The following PPIP5K2 variants were observed in gnomAD, a reference collection of about 807,000 sequenced individuals.
PPIP5K2 encodes inositol hexakisphosphate and diphosphoinositol-pentakisphosphate kinase 2.
Under a neutral mutation model 154.6 loss-of-function variants are expected in PPIP5K2, and 105 were observed. The ratio of observed to expected loss-of-function variants is 0.68; its 90% CI spans 0.58 to 0.80. PPIP5K2 has a LOEUF of 0.80. Among genes scored for constraint, PPIP5K2 ranks in the 30% least tolerant of loss-of-function variants. PPIP5K2 has a pLI of 0.00. For missense variants in PPIP5K2, 992 were observed against 1,504.6 expected (o/e 0.66, Z 5.64); for synonymous variants, 480 against 490.3 (o/e 0.98, Z 0.28).
At chr5:103,151,998 G>A (rs1224654882) in intron 9 of PPIP5K2, among the ~76,000 whole-genome samples, 1 of 151,886 alleles carries the variant, frequency 6.6e-6, no homozygotes, top group East Asian at 1.9e-4. Context: ...AAAAATGTTC[G>A]ATAATTGGAG....
chr5:103,138,512 C>A, intron 5 of PPIP5K2, 43 bp downstream of exon 5: 1 of 1,310,816 alleles, frequency 7.6e-7, no homozygotes, highest in Non-Finnish European at 1.1e-6. Flanking sequence ...TGCCACTTGA[C>A]ATACTTTTGG....
intron 17 of PPIP5K2, among the ~76,000 whole-genome samples, chr5:103,160,335 A>G (rs1197509230): frequency 1.3e-5 from 2 of 152,150 alleles, no homozygotes; most frequent in Non-Finnish European, 2.9e-5. Context: ...TTTTTGAGCA[A>G]TGTTCATACT....
At chr5:103,179,962 C>G in intron 23 of PPIP5K2, 59 bp from the exon 24 acceptor site, 3 of 1,381,064 alleles carry the variant, frequency 2.2e-6, no homozygotes, top group Non-Finnish European at 2.9e-6. Context: ...TGAATCTGTT[C>G]ATCAGAAGAG....
At chr5:103,182,486 G>C (rs1180946817) in intron 24 of PPIP5K2, among the ~76,000 whole-genome samples, 1 of 152,118 alleles carries the variant, frequency 6.6e-6, no homozygotes, top group Non-Finnish European at 1.5e-5. Flanking sequence ...ATGGATATAA[G>C]AAGTTTGTAC....
intron 6 of PPIP5K2, among the ~76,000 whole-genome samples, chr5:103,147,030 C>T (rs26521): frequency 0.16 from 24,004 of 151,694 alleles, 2,445 homozygotes; most frequent in South Asian, 0.28. Context: ...ACACTAATAA[C>T]TTTACGTACA....
intron 30 of PPIP5K2, among the ~76,000 whole-genome samples, chr5:103,199,778 T>C (rs1802684329): frequency 6.6e-6 from 1 of 152,166 alleles, no homozygotes; most frequent in South Asian, 2.1e-4. Flanking sequence ...ATATTTATTC[T>C]TTTAGATGTT....
chr5:103,172,254 G>A (rs1291381815), intron 19 of PPIP5K2, among the ~76,000 whole-genome samples: 2 of 151,524 alleles, frequency 1.3e-5, no homozygotes, highest in Non-Finnish European at 3.0e-5. Flanking sequence ...CTTAGCTTTA[G>A]TTTAAGGTAA....
At chr5:103,197,786 C>T (rs1013750174) in intron 30 of PPIP5K2, among the ~76,000 whole-genome samples, 13 of 151,482 alleles carry the variant, frequency 8.6e-5, no homozygotes, top group African/African-American at 2.9e-4. Flanking sequence ...CCATGTTGGC[C>T]AGGCTGGTCT....
chr5:103,126,744 C>CA (rs1554200830), intron 1 of PPIP5K2, among the ~76,000 whole-genome samples: 9 of 129,908 alleles, frequency 6.9e-5, no homozygotes, highest in African/African-American at 2.5e-4. Flanking sequence ...AGCCTTTTCA[C>CA]GTTTTTTTTT....
chr5:103,196,565 A>C (rs1554228599), intron 30 of PPIP5K2, among the ~76,000 whole-genome samples: 1 of 152,142 alleles, frequency 6.6e-6, no homozygotes. Context: ...TCTTATGTCC[A>C]TTACAGATGA....
At chr5:103,176,736 A>G in intron 21 of PPIP5K2, 1 of 528,518 alleles carries the variant, frequency 1.9e-6, no homozygotes, top group South Asian at 2.9e-5. Context: ...AGATCCTGTT[A>G]ACTGTTGACT....
chr5:103,126,817 A>G (rs1789768676), intron 1 of PPIP5K2, among the ~76,000 whole-genome samples: 2 of 151,114 alleles, frequency 1.3e-5, no homozygotes. Flanking sequence ...GCCCACCCAG[A>G]TTAAGGGTGG....
At chr5:103,167,472 T>C (rs1192021087) in intron 18 of PPIP5K2, 152 bp downstream of exon 18, 2 of 516,828 alleles carry the variant, frequency 3.9e-6, no homozygotes, top group Admixed American at 4.0e-5. Flanking sequence ...AAAAAAATAA[T>C]GGCTAAGTTA....
intron 17 of PPIP5K2, among the ~76,000 whole-genome samples, chr5:103,163,575 C>A (rs1289749991): frequency 6.6e-6 from 1 of 151,474 alleles, no homozygotes; most frequent in African/African-American, 2.4e-5. Context: ...TAGGTAGGAC[C>A]CTCAAAATAA....
At chr5:103,194,170 T>C (rs919459657) in intron 29 of PPIP5K2, among the ~76,000 whole-genome samples, 1 of 152,218 alleles carries the variant, frequency 6.6e-6, no homozygotes, top group South Asian at 2.1e-4. Flanking sequence ...TCTGTCTCTT[T>C]GTTTTTTTTC....
At position 103,140,694 on chromosome 5, in the gene PPIP5K2, G is replaced by A. The variant is rs374602627; in HGVS notation, c.487+2225G>A. 1.3e-4 allele frequency among the ~76,000 whole-genome samples: 19 copies of A among 151,650 alleles called. 1 individual carries two copies. Among genetic ancestry groups the A allele is most frequent in the East Asian group, 7.8e-4 (4 of 5,124 alleles). ...CTACTAAAAATACAAAAAATTAGCC[G>A]GGCGCAGTGGCGGGCGCCTGTAGTC... On this transcript the variant is annotated intron_variant, in intron 5 of 30. Transcript: ENST00000358359.
rs1790253559 is a variant in PPIP5K2 at position 103,129,441 on chromosome 5, T to C, written c.-149T>C. On this transcript the variant is annotated 5_prime_UTR_variant, in exon 2 of 31. Coordinates refer to ENST00000358359, the MANE Select transcript of PPIP5K2 (RefSeq NM_001276277.3). The stretch of plus-strand genomic sequence containing the variant: ...AAAGAGTATTTGCCAACAGTCATCA[T>C]AATATCAAGTGATTGTATAAGCAGA... 1 of 517,640 alleles carries C rather than the reference T, an allele frequency of 1.9e-6. No homozygotes were observed. Among genetic ancestry groups the C allele is most frequent in the Non-Finnish European group, 3.2e-6 (1 of 308,710 alleles). The allele number at this position is 517,640 out of a possible 1,614,324, so 32.1% of individuals were successfully genotyped here. A position where few individuals can be genotyped will look rare whatever the true frequency, so the allele number is the denominator to read the frequency against.
At chr5:103,165,498 T>C (rs984584942) in intron 17 of PPIP5K2, among the ~76,000 whole-genome samples, 16 of 152,204 alleles carry the variant, frequency 1.1e-4, no homozygotes, top group African/African-American at 3.8e-4. Context: ...ATGACATGTC[T>C]GAACAGGATT....
chr5:103,209,458 C>A lies in PPIP5K2; in HGVS notation c.*7824C>A, dbSNP rs1265823969. 2 of 151,882 alleles carry A rather than the reference C, an allele frequency of 1.3e-5. No homozygotes were observed. Among genetic ancestry groups the A allele is most frequent in the Admixed American group, 6.6e-5 (1 of 15,262 alleles). The allele number at this position is 151,882 out of a possible 1,614,324, so 9.4% of individuals were successfully genotyped here. On this transcript the variant is annotated 3_prime_UTR_variant, in exon 31 of 31. Coordinates refer to ENST00000358359, the MANE Select transcript of PPIP5K2 (RefSeq NM_001276277.3). ...GATACCATCCCACCCACCTATCTTA[C>A]ATTTTGTGTGGTATGAGTGGCACCA...
Sources: gnomAD v4.1 joint callset for allele counts (sites outside exome capture counted in the v4.1 genomes callset) on GRCh38, gnomAD v4.1.1 for gene constraint, MANE v1.5 for transcripts, NCBI Gene and HGNC (gene_info 2026-07-23, HGNC 2026-07-21) for gene names.